CYB5RL: variants seen among roughly 807,000 people sequenced by gnomAD.
CYB5RL encodes cytochrome b5 reductase like.
CYB5RL carries 38 observed loss-of-function variants against 37.5 expected under a neutral mutation model. That is an observed-to-expected ratio of 1.01 (90% CI 0.78 to 1.33). The LOEUF (loss-of-function observed/expected upper bound fraction) is 1.33. Among genes scored for constraint, CYB5RL ranks in the 40% most tolerant of loss-of-function variants. The pLI, the probability that CYB5RL is intolerant of heterozygous loss-of-function variation, is 0.00. For synonymous variants in CYB5RL, 141 were observed against 151.9 expected (o/e 0.93, Z 0.53); for missense variants, 388 against 394.4 (o/e 0.98, Z 0.14).
chr1:54,195,463 G>C lies in CYB5RL; in HGVS notation c.154C>G (p.Gln52Glu). ...HRDLARWEAA[Q>E]ASKDRSLLRG... ...AGCAGGCTCCTGTCCTTGCTGGCTTGGGCTGCCTCCCACCTTGCCAGATCT... is the reference window on the plus strand; with the variant it reads ...AGCAGGCTCCTGTCCTTGCTGGCTTCGGCTGCCTCCCACCTTGCCAGATCT... The change falls in exon 3 of 8, where the codon CAA (glutamine) becomes GAA (glutamate). Residue 52 changes from glutamine (Q) to glutamate (E), a missense_variant. By Grantham distance (29) the Gln-to-Glu change is conservative. Coordinates refer to ENST00000534324, the MANE Select transcript of CYB5RL (RefSeq NM_001031672.4). 1 of 1,611,976 alleles carries C rather than the reference G, an allele frequency of 6.2e-7. No homozygotes were observed. Among genetic ancestry groups the C allele is most frequent in the Non-Finnish European group, 8.5e-7 (1 of 1,178,910 alleles).
chr1:54,181,613 A>G (rs1214132413), intron 6 of CYB5RL, among the ~76,000 whole-genome samples: 1 of 152,174 alleles, frequency 6.6e-6, no homozygotes, highest in Non-Finnish European at 1.5e-5. Context: ...GGTGTGAGAC[A>G]CCATTTCTTT....
At chr1:54,197,196 A>G (rs1422141955) in intron 1 of CYB5RL, among the ~76,000 whole-genome samples, 1 of 152,114 alleles carries the variant, frequency 6.6e-6, no homozygotes, top group Non-Finnish European at 1.5e-5. Flanking sequence ...CAGTGAAGAG[A>G]GAAAAACAGG....
At position 54,174,376 on chromosome 1, in the gene CYB5RL, T is replaced by G; in HGVS notation, c.*243A>C. The G allele has an allele frequency of 1.9e-6, 1 of 523,780 alleles. No homozygotes were observed. 32.4% of individuals were successfully genotyped at this position (523,780 alleles called of 1,614,324 possible). A position where few individuals can be genotyped will look rare whatever the true frequency, so the allele number is the denominator to read the frequency against. ...CCTCCCTGACTCCCAGGCTGGTTGC[T>G]CACCTCCTCAGGGCCCCTACAGCCC... On this transcript the variant is annotated 3_prime_UTR_variant, in exon 8 of 8. Coordinates refer to ENST00000534324, the MANE Select transcript of CYB5RL (RefSeq NM_001031672.4).
At chr1:54,180,342 A>C (rs12062274) in intron 6 of CYB5RL, 13,048 of 344,760 alleles carry the variant, frequency 0.038, 791 homozygotes, top group East Asian at 0.27. Context: ...AGAGGGGTGA[A>C]CCTCTGTAAT....
At chr1:54,197,415 C>A (rs775716269) in intron 1 of CYB5RL, among the ~76,000 whole-genome samples, 8 of 150,366 alleles carry the variant, frequency 5.3e-5, no homozygotes, top group Non-Finnish European at 1.2e-4. Flanking sequence ...CCTCTGCCTC[C>A]TGGGCTCAAG....
chr1:54,195,073 T>C (rs1357629201), intron 3 of CYB5RL, among the ~76,000 whole-genome samples: 1 of 152,354 alleles, frequency 6.6e-6, no homozygotes, highest in African/African-American at 2.4e-5. Context: ...ACTGTGTCTG[T>C]CATGCTCACT....
In CYB5RL at chr1:54,174,426, C is replaced by T; in HGVS notation, c.*193G>A. ...CATCCTCCTTCTACATAGTAGGAGGCCAGGAGGAGTGATTAACCTCATGGG... is the reference window on the plus strand; with the variant it reads ...CATCCTCCTTCTACATAGTAGGAGGTCAGGAGGAGTGATTAACCTCATGGG... On this transcript the variant is annotated 3_prime_UTR_variant, in exon 8 of 8. Coordinates refer to ENST00000534324, the MANE Select transcript of CYB5RL (RefSeq NM_001031672.4). 1.6e-6 allele frequency: 1 copy of T among 639,766 alleles called. No homozygotes were observed. The highest frequency in any genetic ancestry group is 4.3e-4 in the Middle Eastern group (1 of 2,316). The allele number at this position is 639,766 out of a possible 1,614,324, so 39.6% of individuals were successfully genotyped here. A position where few individuals can be genotyped will look rare whatever the true frequency, so the allele number is the denominator to read the frequency against.
rs1054722214 is a variant in CYB5RL at position 54,171,538 on chromosome 1, C to T, written c.*3081G>A. On this transcript the variant is annotated 3_prime_UTR_variant, in exon 8 of 8. Coordinates refer to ENST00000534324, the MANE Select transcript of CYB5RL (RefSeq NM_001031672.4). The stretch of plus-strand genomic sequence containing the variant: ...TGAACTAAAGCCAATGCCGCTTCTG[C>T]GACCAAGAATCTGTCCTCAGGCCCT... The T allele has an allele frequency of 1.7e-5, 7 of 416,280 alleles. No homozygotes were observed. Among genetic ancestry groups the T allele is most frequent in the African/African-American group, 8.1e-5 (4 of 49,146 alleles). The allele number at this position is 416,280 out of a possible 1,614,324, so 25.8% of individuals were successfully genotyped here.
chr1:54,186,589 C>G (rs1643900172), intron 5 of CYB5RL, among the ~76,000 whole-genome samples: 1 of 152,158 alleles, frequency 6.6e-6, no homozygotes, highest in Non-Finnish European at 1.5e-5. Flanking sequence ...TCCAGCTGCC[C>G]TGAAGAACTG....
intron 4 of CYB5RL, chr1:54,188,032 T>G (rs1293138330): frequency 2.4e-6 from 1 of 416,784 alleles, no homozygotes; most frequent in Non-Finnish European, 4.4e-6. Context: ...GCTGAGATCA[T>G]GCTACTGCAC....
At chr1:54,198,465 T>A (rs1644036035) in intron 1 of CYB5RL, among the ~76,000 whole-genome samples, 1 of 151,648 alleles carries the variant, frequency 6.6e-6, no homozygotes, top group Non-Finnish European at 1.5e-5. Context: ...CCCGAGTAGC[T>A]GGGACTACAG....
chr1:54,198,564 C>T (rs1199961416), intron 1 of CYB5RL, among the ~76,000 whole-genome samples: 4 of 150,916 alleles, frequency 2.7e-5, no homozygotes, highest in African/African-American at 7.3e-5. Context: ...ATCTCCTGAC[C>T]TCGTGATCCA....
At chr1:54,181,498 C>T (rs938034487) in intron 6 of CYB5RL, among the ~76,000 whole-genome samples, 7 of 152,232 alleles carry the variant, frequency 4.6e-5, no homozygotes, top group African/African-American at 1.4e-4. Flanking sequence ...GTAACGAAGA[C>T]GACTGCAGAG....
rs984747890 is a variant in CYB5RL, at chr1:54,173,224, G to A, written c.*1395C>T. 6.6e-6 allele frequency: 1 copy of A among 152,128 alleles called. No individual in the cohort carries two copies. Among genetic ancestry groups the A allele is most frequent in the Non-Finnish European group, 1.5e-5 (1 of 68,016 alleles). 9.4% of individuals were successfully genotyped at this position (152,128 alleles called of 1,614,324 possible). ...ATGTGACACAGCAGAGAGATTTGTT[G>A]CCATTTTTTTTAGTGGCTAGGAAAA... On this transcript the variant is annotated 3_prime_UTR_variant, in exon 8 of 8. Coordinates refer to ENST00000534324, the MANE Select transcript of CYB5RL (RefSeq NM_001031672.4).
intron 6 of CYB5RL, among the ~76,000 whole-genome samples, chr1:54,183,624 G>A (rs1660217427): frequency 6.6e-6 from 1 of 152,316 alleles, no homozygotes; most frequent in South Asian, 2.1e-4. Flanking sequence ...AGGGTCTGAT[G>A]TTCTAAGCAA....
rs1341642510 is a variant in CYB5RL at position 54,195,425 on chromosome 1, C to G, written c.192G>C (p.Glu64Asp). 1 of 1,594,166 alleles carries G rather than the reference C, an allele frequency of 6.3e-7. No homozygotes were observed. Among genetic ancestry groups the G allele is most frequent in the African/African-American group, 1.3e-5 (1 of 74,754 alleles). ...GAGAAGCAGCCTCTCTCACCTGTGA[C>G]TCTGGCCCACGCAGCAGGCTCCTGT... ...SKDRSLLRGP[E>D]SQSCPSKLNP... is the part of the protein sequence containing the mutation. The change falls in exon 3 of 8, where the codon GAG (glutamate) becomes GAC (aspartate). Residue 64 changes from glutamate to aspartate, a missense_variant. Physicochemically the swap from Glu to Asp is conservative, Grantham distance 45. Transcript: ENST00000534324.
intron 7 of CYB5RL, 21 bp downstream of exon 7, chr1:54,179,126 GAA>G: frequency 6.2e-7 from 1 of 1,604,424 alleles, no homozygotes; most frequent in South Asian, 1.1e-5. Flanking sequence ...AATCAAAAAA[GAA>G]AGTCACCACC....
intron 4 of CYB5RL, 46 bp from the exon 5 acceptor site, chr1:54,187,785 C>A (rs766005817): frequency 6.4e-7 from 1 of 1,568,160 alleles, no homozygotes; most frequent in Non-Finnish European, 8.8e-7. Context: ...ATTCAGCAAA[C>A]CCTTTTAAGG....
rs547811462 is a variant in CYB5RL at position 54,170,333 on chromosome 1, C to T, written c.*4286G>A. On this transcript the variant is annotated 3_prime_UTR_variant, in exon 8 of 8. Coordinates refer to ENST00000534324, the MANE Select transcript of CYB5RL (RefSeq NM_001031672.4). ...GGCCAGCATGGTCTCAAACTCCTGA[C>T]CTCAGGTGATCTGCCCACCTCAGCC... 1 of 152,270 alleles carries T rather than the reference C, an allele frequency of 6.6e-6. No individual in the cohort carries two copies. Among genetic ancestry groups the T allele is most frequent in the East Asian group, 1.9e-4 (1 of 5,160 alleles). 9.4% of individuals were successfully genotyped at this position (152,270 alleles called of 1,614,324 possible). A position where few individuals can be genotyped will look rare whatever the true frequency, so the allele number is the denominator to read the frequency against.
Sources: gnomAD v4.1 joint callset for allele counts (sites outside exome capture counted in the v4.1 genomes callset) on GRCh38, gnomAD v4.1.1 for gene constraint, MANE v1.5 for transcripts, NCBI Gene and HGNC (gene_info 2026-07-23, HGNC 2026-07-21) for gene names.